The following SOCS7 variants were observed in gnomAD, a reference collection of about 807,000 sequenced individuals.
SOCS7 encodes the protein suppressor of cytokine signaling 7, also known as NAP-4.
A neutral mutation model predicts 58.9 loss-of-function variants in SOCS7; 18 were observed. The observed-to-expected ratio is 0.31, with a 90% CI of 0.21 to 0.45. SOCS7 has a LOEUF of 0.45. SOCS7 is among the 20% of genes least tolerant of loss of function. The probability of loss-of-function intolerance (pLI) is 1.00; values close to 1 mark genes in which losing one functional copy is unlikely to be tolerated. For missense variants in SOCS7, 667 were observed against 837.3 expected (o/e 0.80, Z 2.51); for synonymous variants, 388 against 364.3 (o/e 1.06, Z -0.74).
At chr17:38,396,431 T>C (rs2038246317) in intron 9 of SOCS7, among the ~76,000 whole-genome samples, 1 of 152,162 alleles carries the variant, frequency 6.6e-6, no homozygotes, top group African/African-American at 2.4e-5. Flanking sequence ...TCAAAGAGAA[T>C]GCAAACATGC....
chr17:38,363,683 C>A (rs41409844), intron 2 of SOCS7, among the ~76,000 whole-genome samples: 4 of 152,170 alleles, frequency 2.6e-5, no homozygotes, highest in African/African-American at 7.2e-5. Context: ...AATTAGTATT[C>A]AAGAGCTTTG....
At chr17:38,369,123 A>G (rs1196900863) in intron 6 of SOCS7, among the ~76,000 whole-genome samples, 3 of 152,230 alleles carry the variant, frequency 2.0e-5, no homozygotes, top group Non-Finnish European at 4.4e-5. Context: ...ATACCTGTGT[A>G]TGCTACAAAT....
chr17:38,375,487 A>G (rs1240915849), intron 6 of SOCS7, among the ~76,000 whole-genome samples: 3 of 152,184 alleles, frequency 2.0e-5, no homozygotes, highest in Non-Finnish European at 4.4e-5. Context: ...TGTTTTCTTA[A>G]TAGTATTCCT....
chr17:38,379,827 A>G (rs1234217020), intron 7 of SOCS7, among the ~76,000 whole-genome samples: 1 of 152,166 alleles, frequency 6.6e-6, no homozygotes, highest in Non-Finnish European at 1.5e-5. Flanking sequence ...GCAGTTTTTA[A>G]AGTTTATGGC....
At chr17:38,358,850 A>T (rs2037675540) in intron 1 of SOCS7, among the ~76,000 whole-genome samples, 2 of 151,856 alleles carry the variant, frequency 1.3e-5, no homozygotes, top group Non-Finnish European at 2.9e-5. Flanking sequence ...CTGGATTCAG[A>T]TGTTTTTCTT....
Position 38,352,964 on chromosome 17 carries a change from G to A in SOCS7, c.912G>A (p.Glu304=), listed in dbSNP as rs1487693100. The A allele has an allele frequency of 6.2e-7, 1 of 1,607,570 alleles. No individual in the cohort carries two copies. The highest frequency in any genetic ancestry group is 2.2e-5 in the East Asian group (1 of 44,742). The change falls in exon 1 of 10, where the codon GAG becomes GAA. Residue 304 remains glutamate, a synonymous_variant. Coordinates refer to ENST00000612932, the MANE Select transcript of SOCS7 (RefSeq NM_014598.4). This position sits in a 1 kb window ranked among gnomAD's most constrained non-coding sequence, Gnocchi z 5.5. ...GDGTGKRPSG[E]LAASAASLTD... ...GGACCGGCAAGAGGCCTTCTGGAGA[G>A]CTGGCTGCTTCAGCTGCGAGCCTGA...
intron 2 of SOCS7, 151 bp downstream of exon 2, chr17:38,361,926 A>G (rs893402581): frequency 4.9e-6 from 3 of 617,900 alleles, no homozygotes; most frequent in Non-Finnish European, 8.5e-6. Context: ...GGGTGAGGCT[A>G]TTTTTATGGT....
intron 6 of SOCS7, chr17:38,376,065 A>G (rs1302052202): frequency 6.6e-6 from 1 of 152,194 alleles, no homozygotes; most frequent in Non-Finnish European, 1.5e-5. Context: ...ATAAAGACCA[A>G]AACACTTCTA....
Position 38,401,145 on chromosome 17 carries a change from T to C in SOCS7, c.*1663T>C, listed in dbSNP as rs555218961. The stretch of plus-strand genomic sequence containing the variant: ...GTGGAGTGACCAGTCTTCCTCCTTG[T>C]AGCTGAACAGGGAGGAAACTTGCAC... On this transcript the variant is annotated 3_prime_UTR_variant, in exon 10 of 10. Transcript: ENST00000612932. The C allele has an allele frequency of 6.6e-6, 1 of 152,270 alleles. No homozygotes were observed. Among genetic ancestry groups the C allele is most frequent in the East Asian group, 1.9e-4 (1 of 5,178 alleles). 9.4% of individuals were successfully genotyped at this position (152,270 alleles called of 1,614,324 possible). A position where few individuals can be genotyped will look rare whatever the true frequency, so the allele number is the denominator to read the frequency against.
At position 38,401,505 on chromosome 17, in the gene SOCS7, T is replaced by C. The variant is rs2038318204; in HGVS notation, c.*2023T>C. ...CCATAATTTTAATATTATTTTTTAG[T>C]GTGTGTGTGCCTGGCTTTGCGCTAG... On this transcript the variant is annotated 3_prime_UTR_variant, in exon 10 of 10. Transcript: ENST00000612932. The C allele has an allele frequency of 6.6e-6, 1 of 152,024 alleles. No homozygotes were observed. Among genetic ancestry groups the C allele is most frequent in the Admixed American group, 6.6e-5 (1 of 15,260 alleles). 9.4% of individuals were successfully genotyped at this position (152,024 alleles called of 1,614,324 possible).
intron 7 of SOCS7, among the ~76,000 whole-genome samples, chr17:38,388,328 T>C (rs865815296): frequency 1.1e-4 from 16 of 151,494 alleles, no homozygotes; most frequent in African/African-American, 3.6e-4. Context: ...CTGGACAACA[T>C]GGCATGAAAC....
rs370980742 is a variant in SOCS7 at position 38,352,925 on chromosome 17, C to T, written c.873C>T (p.Ser291=). The part of the protein sequence containing the change: ...LFRTKSCNGG[S]GGGDGTGKRP... Reference sequence around the variant, plus strand: ...GCACCAAGAGCTGCAACGGTGGCTCCGGCGGTGGGGATGGGACCGGCAAGA... The same window carrying T: ...GCACCAAGAGCTGCAACGGTGGCTCTGGCGGTGGGGATGGGACCGGCAAGA... The change falls in exon 1 of 10, where the codon TCC becomes TCT. Residue 291 remains serine, a synonymous_variant. Coordinates refer to ENST00000612932, the MANE Select transcript of SOCS7 (RefSeq NM_014598.4). The surrounding 1 kb of genome is among the most constrained non-coding windows in gnomAD (Gnocchi z 5.5). The T allele has an allele frequency of 3.1e-6, 5 of 1,607,140 alleles. No individual in the cohort carries two copies. In the African/African-American group the frequency reaches 4.0e-5, roughly 13 times the overall value.
At chr17:38,368,984 G>T (rs1003028078) in intron 6 of SOCS7, among the ~76,000 whole-genome samples, 2 of 152,218 alleles carry the variant, frequency 1.3e-5, no homozygotes, top group African/African-American at 4.8e-5. Context: ...TGCCAGTCAT[G>T]CCTAGAAGCC....
intron 7 of SOCS7, among the ~76,000 whole-genome samples, chr17:38,384,588 C>T (rs1435542671): frequency 6.6e-6 from 1 of 151,808 alleles, no homozygotes; most frequent in African/African-American, 2.4e-5. Flanking sequence ...ACCACCATGC[C>T]CAGCTTCTTT....
intron 7 of SOCS7, among the ~76,000 whole-genome samples, chr17:38,390,671 C>CCTTCCTTCCTTT (rs1306588474): frequency 3.4e-5 from 5 of 146,440 alleles, no homozygotes; most frequent in African/African-American, 1.3e-4. Context: ...TTCCTTCCTT[C>CCTTCCTTCCTTT]CTTCCTTCCT....
chr17:38,360,431 T>A (rs1378801491), intron 1 of SOCS7, among the ~76,000 whole-genome samples: 1 of 152,206 alleles, frequency 6.6e-6, no homozygotes, highest in African/African-American at 2.4e-5. Context: ...GACCTTGTGA[T>A]CTGCCCACCT....
Position 38,361,785 on chromosome 17 carries a change from A to C in SOCS7, c.1045+10A>C, listed in dbSNP as rs1555567633. ...AGCCCCCTGTTCACAGGTAAGGGTA[A>C]TATCTTTCTCTCTTCTGACATCTGA... On this transcript the variant is annotated intron_variant, in intron 2 of 9. Coordinates refer to ENST00000612932, the MANE Select transcript of SOCS7 (RefSeq NM_014598.4). 1 of 1,596,860 alleles carries C rather than the reference A, an allele frequency of 6.3e-7. No homozygotes were observed.
rs1438108525 is a variant in SOCS7 at position 38,402,779 on chromosome 17, G to C, written c.*3297G>C. ...GGTTGTATTTTCAAGTCACAAATTG[G>C]AAAAGGCTTACATCTAGGGACCCAC... On this transcript the variant is annotated 3_prime_UTR_variant, in exon 10 of 10. Transcript: ENST00000612932. The C allele has an allele frequency of 1.3e-5, 2 of 152,138 alleles. No homozygotes were observed. The highest frequency in any genetic ancestry group is 2.9e-5 in the Non-Finnish European group (2 of 68,044). The allele number at this position is 152,138 out of a possible 1,614,324, so 9.4% of individuals were successfully genotyped here.
At position 38,352,484 on chromosome 17, in the gene SOCS7, C is replaced by T. The variant is rs2037567998; in HGVS notation, c.432C>T (p.Cys144=). The T allele has an allele frequency of 1.3e-6, 2 of 1,525,016 alleles. No homozygotes were observed. The highest frequency in any genetic ancestry group is 4.9e-5 in the East Asian group (2 of 40,614). 94.5% of individuals were successfully genotyped at this position (1,525,016 alleles called of 1,614,324 possible). A position where few individuals can be genotyped will look rare whatever the true frequency, so the allele number is the denominator to read the frequency against. The stretch of plus-strand genomic sequence containing the variant: ...GGGTCAAGACAGTCGGTGGGGGTTG[C>T]TGCCCGTGTCCGTGTCCTCCTCAGC... The part of the protein sequence containing the change: ...GPGVKTVGGG[C]CPCPCPPQPP... The change falls in exon 1 of 10, where the codon TGC becomes TGT. Residue 144 remains cysteine (C), a synonymous_variant. Coordinates refer to ENST00000612932, the MANE Select transcript of SOCS7 (RefSeq NM_014598.4). The surrounding 1 kb of genome is among the most constrained non-coding windows in gnomAD (Gnocchi z 5.5).
Sources: allele counts gnomAD v4.1 joint callset (sites outside exome capture counted in the v4.1 genomes callset), GRCh38; gene constraint gnomAD v4.1.1; non-coding constraint Gnocchi (gnomAD v3.1); transcripts MANE v1.5; gene names NCBI Gene and HGNC (gene_info 2026-07-23, HGNC 2026-07-21).